Variants in AKAP13 observed in about 807,000 individuals in gnomAD.
AKAP13 encodes A-kinase anchor protein 13.
In AKAP13, 80 loss-of-function variants were observed where a neutral mutation model predicts 264.5. That is an observed-to-expected ratio of 0.30 (90% confidence interval 0.25 to 0.36). AKAP13 has a LOEUF of 0.36. Among genes scored for constraint, AKAP13 ranks in the 10% least tolerant of loss-of-function variants. The pLI is 1.00. For missense variants in AKAP13, 3,712 were observed against 3,435.2 expected (o/e 1.08, Z -2.01); for synonymous variants, 1,380 against 1,250.2 (o/e 1.10, Z -2.19).
chr15:85,733,192 A>T (rs1249251356), intron 30 of AKAP13, among the ~76,000 whole-genome samples: 1 of 152,192 alleles, frequency 6.6e-6, no homozygotes, highest in Non-Finnish European at 1.5e-5. Context: ...GCTGGTAATA[A>T]TTTATGCCCT....
At chr15:85,398,719 C>T (rs2071242646) in intron 1 of AKAP13, among the ~76,000 whole-genome samples, 1 of 152,112 alleles carries the variant, frequency 6.6e-6, no homozygotes, top group Non-Finnish European at 1.5e-5. Context: ...CCACGCCCGG[C>T]TAATTTTTGG....
chr15:85,680,450 G>A (rs1183227057), intron 14 of AKAP13, among the ~76,000 whole-genome samples: 1 of 152,150 alleles, frequency 6.6e-6, no homozygotes, highest in Non-Finnish European at 1.5e-5. Context: ...ACCATGTGTT[G>A]TAAGTGAAAT....
intron 17 of AKAP13, among the ~76,000 whole-genome samples, chr15:85,700,673 AC>A (rs2085858641): frequency 6.6e-6 from 1 of 152,254 alleles, no homozygotes; most frequent in South Asian, 2.1e-4. Flanking sequence ...ATTTAAAACT[AC>A]ATAAAAACGT....
At chr15:85,714,176 C>T (rs777553517) in intron 19 of AKAP13, among the ~76,000 whole-genome samples, 1 of 151,852 alleles carries the variant, frequency 6.6e-6, no homozygotes, top group Non-Finnish European at 1.5e-5. Context: ...ATAAATTAAG[C>T]CAAAGGAAAA....
chr15:85,556,763 T>C (rs761572125), intron 5 of AKAP13, among the ~76,000 whole-genome samples: 5 of 152,230 alleles, frequency 3.3e-5, no homozygotes, highest in Admixed American at 6.5e-5. Flanking sequence ...GATGTTCTTG[T>C]TCCCTAACTC....
chr15:85,451,509 C>T (rs551076596), intron 1 of AKAP13, among the ~76,000 whole-genome samples: 3 of 152,170 alleles, frequency 2.0e-5, no homozygotes, highest in Admixed American at 6.5e-5. Context: ...TAACTGGTAG[C>T]GGTCTTTCTT....
At chr15:85,487,217 GT>G (rs1222811606) in intron 2 of AKAP13, among the ~76,000 whole-genome samples, 1 of 152,132 alleles carries the variant, frequency 6.6e-6, no homozygotes, top group Non-Finnish European at 1.5e-5. Flanking sequence ...ATCAGAGATC[GT>G]TTTCTTCCTT....
intron 1 of AKAP13, among the ~76,000 whole-genome samples, chr15:85,400,067 G>A (rs762708702): frequency 1.5e-4 from 23 of 152,090 alleles, no homozygotes; most frequent in Non-Finnish European, 2.2e-4. Context: ...CCAAAGTGCT[G>A]GGATTACAGG....
chr15:85,713,852 C>G (rs993239103), intron 19 of AKAP13, among the ~76,000 whole-genome samples: 2 of 152,156 alleles, frequency 1.3e-5, no homozygotes, highest in Non-Finnish European at 1.5e-5. Flanking sequence ...AATGGGACAG[C>G]AAGTCCATTA....
chr15:85,737,907 G>A (rs767337499), intron 33 of AKAP13, among the ~76,000 whole-genome samples: 6 of 152,014 alleles, frequency 3.9e-5, no homozygotes, highest in African/African-American at 1.4e-4. Flanking sequence ...CCAAAGTGCT[G>A]GGGTTACAGG....
intron 1 of AKAP13, among the ~76,000 whole-genome samples, chr15:85,437,843 G>A (rs368776496): frequency 4.5e-4 from 68 of 151,880 alleles, no homozygotes; most frequent in Middle Eastern, 3.4e-3. Context: ...ATCTATGACA[G>A]ACCCACAGCC....
intron 12 of AKAP13, among the ~76,000 whole-genome samples, chr15:85,661,775 T>C (rs566103419): frequency 1.3e-5 from 2 of 152,278 alleles, no homozygotes; most frequent in South Asian, 4.1e-4. Flanking sequence ...ATCAGTGTTA[T>C]ATGCTTTATC....
At chr15:85,507,823 C>T (rs949018038) in intron 2 of AKAP13, among the ~76,000 whole-genome samples, 1 of 152,222 alleles carries the variant, frequency 6.6e-6, no homozygotes, top group Non-Finnish European at 1.5e-5. Context: ...TCACCCTCCT[C>T]CACTCCCACA....
chr15:85,503,640 A>G (rs2076098447), intron 2 of AKAP13, among the ~76,000 whole-genome samples: 1 of 152,188 alleles, frequency 6.6e-6, no homozygotes, highest in Non-Finnish European at 1.5e-5. Context: ...ATCAGAGGGC[A>G]CCTTGATCTG....
Position 85,735,649 on chromosome 15 carries a change from C to T in AKAP13, c.7512+19C>T. On this transcript the variant is annotated intron_variant, in intron 32 of 36. Coordinates refer to ENST00000394518, the MANE Select transcript of AKAP13 (RefSeq NM_007200.5). ...AAAAAAGGTATTTCTCTTTAAAATA[C>T]ACCATGAACCTCCTTGGCACTTTCC... The T allele has an allele frequency of 6.2e-7, 1 of 1,602,140 alleles. No homozygotes were observed. Among genetic ancestry groups the T allele is most frequent in the Non-Finnish European group, 8.5e-7 (1 of 1,174,258 alleles).
chr15:85,588,698 A>G (rs1204116867), intron 8 of AKAP13, among the ~76,000 whole-genome samples: 1 of 152,144 alleles, frequency 6.6e-6, no homozygotes, highest in Non-Finnish European at 1.5e-5. Context: ...GAGAGTGAAT[A>G]TTCCTCTGGT....
At position 85,588,922 on chromosome 15, in the gene AKAP13, C is replaced by T. The variant is rs146845015; in HGVS notation, c.4161+3099C>T. Among the ~76,000 whole-genome samples the T allele has an allele frequency of 1.9e-3, 288 of 152,266 alleles. 3 individuals carry two copies. The highest frequency in any genetic ancestry group is 6.5e-3 in the African/African-American group (269 of 41,546). On this transcript the variant is annotated intron_variant, in intron 8 of 36. Transcript: ENST00000394518. ...GAACCATGTAATTTATCTCTAGCTG[C>T]GAGATATCAATGCCTTATGCTTTGT...
At chr15:85,608,819 C>G (rs1311566278) in intron 8 of AKAP13, among the ~76,000 whole-genome samples, 2 of 152,146 alleles carry the variant, frequency 1.3e-5, no homozygotes, top group African/African-American at 2.4e-5. Flanking sequence ...ATGGAGTAGT[C>G]TGAAATCCAG....
At chr15:85,699,765 C>G (rs2085802233) in intron 17 of AKAP13, among the ~76,000 whole-genome samples, 1 of 152,206 alleles carries the variant, frequency 6.6e-6, no homozygotes, top group African/African-American at 2.4e-5. Flanking sequence ...ACAGAGTAAG[C>G]TTATAAGCCT....
Sources: gnomAD v4.1 joint callset for allele counts (sites outside exome capture counted in the v4.1 genomes callset) on GRCh38, gnomAD v4.1.1 for gene constraint, MANE v1.5 for transcripts, NCBI Gene and HGNC (gene_info 2026-07-23, HGNC 2026-07-21) for gene names.